Variants in NKAIN2 observed in about 807,000 individuals in gnomAD.
The protein encoded by NKAIN2 is sodium/potassium-transporting ATPase subunit beta-1-interacting protein 2.
Under a neutral mutation model 32.6 loss-of-function variants are expected in NKAIN2, and 14 were observed. The ratio of observed to expected loss-of-function variants is 0.43; its 90% CI spans 0.28 to 0.67. The LOEUF is 0.67. Ranked by LOEUF, NKAIN2 falls within the 30% of genes least tolerant of loss-of-function variation. The probability of loss-of-function intolerance (pLI) is 0.17; values close to 1 mark genes in which losing one functional copy is unlikely to be tolerated. For missense variants in NKAIN2, 198 were observed against 258.3 expected (o/e 0.77, Z 1.60); for synonymous variants, 80 against 87.2 (o/e 0.92, Z 0.46).
At chr6:123,895,676 G>A (rs542852935) in intron 1 of NKAIN2, among the ~76,000 whole-genome samples, 3 of 152,154 alleles carry the variant, frequency 2.0e-5, no homozygotes, top group South Asian at 2.1e-4. Context: ...TAATGCAAAC[G>A]TAAGTTTAAA....
At chr6:124,080,714 A>G (rs1356495861) in intron 1 of NKAIN2, among the ~76,000 whole-genome samples, 1 of 150,926 alleles carries the variant, frequency 6.6e-6, no homozygotes, top group Non-Finnish European at 1.5e-5. Context: ...GCACACAAAC[A>G]CACACGACTA....
intron 1 of NKAIN2, among the ~76,000 whole-genome samples, chr6:124,278,586 T>TTA (rs1446788874): frequency 7.0e-6 from 1 of 143,150 alleles, no homozygotes; most frequent in Non-Finnish European, 1.5e-5. Flanking sequence ...ATATAATAGC[T>TTA]TATATACATA....
intron 1 of NKAIN2, among the ~76,000 whole-genome samples, chr6:124,271,507 T>C (rs1794786793): frequency 1.3e-5 from 2 of 152,160 alleles, no homozygotes; most frequent in African/African-American, 2.4e-5. Flanking sequence ...TGAGCCACCA[T>C]ACCCGGCCTA....
chr6:124,359,811 T>G (rs1450734474), intron 3 of NKAIN2, among the ~76,000 whole-genome samples: 1 of 152,178 alleles, frequency 6.6e-6, no homozygotes, highest in Non-Finnish European at 1.5e-5. Flanking sequence ...AACACTATGT[T>G]GAATAGGAGT....
intron 2 of NKAIN2, among the ~76,000 whole-genome samples, chr6:124,308,498 A>C (rs1295940705): frequency 6.6e-6 from 1 of 152,220 alleles, no homozygotes; most frequent in Non-Finnish European, 1.5e-5. Flanking sequence ...TAAACATTTA[A>C]AGCTGAAATA....
intron 3 of NKAIN2, among the ~76,000 whole-genome samples, chr6:124,388,190 A>AG (rs1252376869): frequency 6.6e-6 from 1 of 152,028 alleles, no homozygotes; most frequent in African/African-American, 2.4e-5. Flanking sequence ...TTACAAAAAA[A>AG]AAACCCTGCT....
chr6:124,726,469 G>T (rs2114647281), intron 4 of NKAIN2, among the ~76,000 whole-genome samples: 1 of 151,906 alleles, frequency 6.6e-6, no homozygotes, highest in South Asian at 2.1e-4. Flanking sequence ...ACACGGCAGG[G>T]TATTCCAACA....
chr6:124,303,768 T>C (rs577785006), intron 2 of NKAIN2, among the ~76,000 whole-genome samples: 1 of 152,164 alleles, frequency 6.6e-6, no homozygotes, highest in Non-Finnish European at 1.5e-5. Context: ...CACCTGAGTC[T>C]GAAAGAAAAA....
intron 1 of NKAIN2, among the ~76,000 whole-genome samples, chr6:123,877,090 T>G (rs774847911): frequency 6.6e-6 from 1 of 152,174 alleles, no homozygotes; most frequent in Non-Finnish European, 1.5e-5. Flanking sequence ...TAATAACAAT[T>G]AGAAATGTGT....
At chr6:124,528,516 T>C (rs1485129355) in intron 3 of NKAIN2, among the ~76,000 whole-genome samples, 1 of 152,192 alleles carries the variant, frequency 6.6e-6, no homozygotes, top group Non-Finnish European at 1.5e-5. Flanking sequence ...TTTTAGCTCA[T>C]TGTTCTACAA....
chr6:124,621,841 A>G (rs1034317891), intron 3 of NKAIN2, among the ~76,000 whole-genome samples: 2 of 151,984 alleles, frequency 1.3e-5, no homozygotes, highest in African/African-American at 4.8e-5. Context: ...ACTGCTTTGG[A>G]TCTAGTTGTC....
At chr6:124,231,113 G>A (rs1192551703) in intron 1 of NKAIN2, among the ~76,000 whole-genome samples, 1 of 152,250 alleles carries the variant, frequency 6.6e-6, no homozygotes, top group Non-Finnish European at 1.5e-5. Flanking sequence ...TGACCTGGAT[G>A]TGAGACACGG....
chr6:123,938,833 G>A (rs1337540982), intron 1 of NKAIN2, among the ~76,000 whole-genome samples: 1 of 151,612 alleles, frequency 6.6e-6, no homozygotes, highest in East Asian at 1.9e-4. Context: ...TGAAGGAACA[G>A]TGGACATTGC....
At chr6:124,374,830 C>T (rs1025069010) in intron 3 of NKAIN2, among the ~76,000 whole-genome samples, 2 of 151,914 alleles carry the variant, frequency 1.3e-5, no homozygotes, top group Non-Finnish European at 2.9e-5. Flanking sequence ...TTTTACGGTG[C>T]TTTTAAGATC....
intron 1 of NKAIN2, among the ~76,000 whole-genome samples, chr6:124,091,965 A>T (rs170904): frequency 0.67 from 102,204 of 151,876 alleles, 34,464 homozygotes; most frequent in East Asian, 0.74. Context: ...TTCACCTAAC[A>T]CTATTCTCAT....
At chr6:124,688,359 G>T (rs192700249) in intron 4 of NKAIN2, among the ~76,000 whole-genome samples, 1 of 152,050 alleles carries the variant, frequency 6.6e-6, no homozygotes, top group Admixed American at 6.6e-5. Flanking sequence ...TAGCAAAATT[G>T]AAGAAAGGTA....
At chr6:124,228,324 C>G (rs1479804635) in intron 1 of NKAIN2, among the ~76,000 whole-genome samples, 2 of 152,090 alleles carry the variant, frequency 1.3e-5, no homozygotes, top group Non-Finnish European at 2.9e-5. Context: ...TATGAGTATA[C>G]AACAAGAAGT....
At chr6:124,139,078 A>ATTTTT (rs1161013269) in intron 1 of NKAIN2, among the ~76,000 whole-genome samples, 11 of 73,560 alleles carry the variant, frequency 1.5e-4, no homozygotes, top group Middle Eastern at 6.8e-3. Context: ...TTTAAATAAA[A>ATTTTT]ATTTTTTTTT....
chr6:124,286,740 G>T lies in NKAIN2; in HGVS notation c.192+3598G>T, dbSNP rs540125201. Among the ~76,000 whole-genome samples, 221 of 151,442 alleles carry T rather than the reference G, an allele frequency of 1.5e-3. 2 individuals carry two copies. Among genetic ancestry groups the T allele is most frequent in the African/African-American group, 5.2e-3 (214 of 41,286 alleles). ...CTTGCTGCCCAGGCTGGAGTGCAAT[G>T]GTACGGTCTCCGCTCACTGCAAACT... On this transcript the variant is annotated intron_variant, in intron 2 of 6. Transcript: ENST00000368417.
Sources: allele counts gnomAD v4.1 joint callset (sites outside exome capture counted in the v4.1 genomes callset), GRCh38; gene constraint gnomAD v4.1.1; transcripts MANE v1.5; gene names NCBI Gene and HGNC (gene_info 2026-07-23, HGNC 2026-07-21).